PIK3C2G: variants seen among roughly 807,000 people sequenced by gnomAD.
PIK3C2G encodes the protein phosphatidylinositol-4-phosphate 3-kinase catalytic subunit type 2 gamma, also known as phosphatidylinositol 3-kinase C2 domain-containing subunit gamma.
PIK3C2G carries 168 observed loss-of-function variants against 181.1 expected under a neutral mutation model. The observed-to-expected ratio is 0.93, with a 90% CI of 0.82 to 1.05. The LOEUF is 1.05. PIK3C2G is among the 50% of genes least tolerant of loss of function. The pLI, the probability that PIK3C2G is intolerant of heterozygous loss-of-function variation, is 0.00. For synonymous variants in PIK3C2G, 573 were observed against 592.2 expected (o/e 0.97, Z 0.47); for missense variants, 1,869 against 1,732.8 (o/e 1.08, Z -1.40).
intron 24 of PIK3C2G, among the ~76,000 whole-genome samples, chr12:18,509,996 T>C (rs1942103234): frequency 6.6e-6 from 1 of 152,086 alleles, no homozygotes; most frequent in Non-Finnish European, 1.5e-5. Context: ...GGGGACATGG[T>C]CTCACTCTGT....
chr12:18,681,068 G>A, the PIK3C2G span, among the ~76,000 whole-genome samples: 1 of 151,916 alleles, frequency 6.6e-6, no homozygotes, highest in Admixed American at 6.6e-5. Flanking sequence ...TGTCTTTGTC[G>A]TGTTCCGTCA....
intron 30 of PIK3C2G, among the ~76,000 whole-genome samples, chr12:18,608,827 C>G: frequency 6.6e-6 from 1 of 151,962 alleles, no homozygotes; most frequent in East Asian, 1.9e-4. Context: ...GCATTTTGAT[C>G]AAAAAATAAT....
chr12:18,634,251 G>A (rs1367827709), intron 31 of PIK3C2G, among the ~76,000 whole-genome samples: 1 of 152,114 alleles, frequency 6.6e-6, no homozygotes, highest in Non-Finnish European at 1.5e-5. Context: ...AAACAATGAG[G>A]TCCAATAGTG....
chr12:18,448,115 A>C (rs1007584530), intron 18 of PIK3C2G, among the ~76,000 whole-genome samples: 5 of 152,192 alleles, frequency 3.3e-5, no homozygotes, highest in African/African-American at 1.2e-4. Context: ...GTATTAATTA[A>C]TAATAATTGT....
chr12:18,571,101 A>G (rs1945912985), intron 29 of PIK3C2G, among the ~76,000 whole-genome samples: 1 of 150,900 alleles, frequency 6.6e-6, no homozygotes, highest in South Asian at 2.1e-4. Context: ...GATATACAAT[A>G]CCATATTTTC....
chr12:18,720,947 T>C, the PIK3C2G span, among the ~76,000 whole-genome samples: 1 of 152,090 alleles, frequency 6.6e-6, no homozygotes, highest in African/African-American at 2.4e-5. Context: ...CAAAATGCTA[T>C]TACTATTTTG....
chr12:18,599,676 A>G (rs1396240261), intron 30 of PIK3C2G, among the ~76,000 whole-genome samples: 1 of 135,602 alleles, frequency 7.4e-6, no homozygotes, highest in East Asian at 2.1e-4. Flanking sequence ...ATAAATAAAT[A>G]TAAATAAAAA....
chr12:18,486,534 T>C (rs1940057147), intron 18 of PIK3C2G, among the ~76,000 whole-genome samples: 1 of 152,128 alleles, frequency 6.6e-6, no homozygotes, highest in African/African-American at 2.4e-5. Context: ...AATATATTAT[T>C]TCTTTAATTA....
chr12:18,489,751 T>C lies in PIK3C2G; in HGVS notation c.2685+1122T>C, dbSNP rs1304329480. ...AAAAGTTGATGGCAAGTTAAATAAA[T>C]TGATTTAAAATTTACAGAAGTTTGT... On this transcript the variant is annotated intron_variant, in intron 19 of 32. Coordinates refer to ENST00000538779, the MANE Select transcript of PIK3C2G (RefSeq NM_001288772.2). 3.3e-5 allele frequency among the ~76,000 whole-genome samples: 5 copies of C among 152,174 alleles called. 1 individual carries two copies. In the South Asian group the frequency reaches 6.2e-4, roughly 19 times the overall value.
At chr12:18,340,927 G>A (rs1028010318) in intron 9 of PIK3C2G, among the ~76,000 whole-genome samples, 2 of 152,154 alleles carry the variant, frequency 1.3e-5, no homozygotes, top group Admixed American at 1.3e-4. Context: ...AGGAAGGTTG[G>A]CCCTTGTCAC....
chr12:18,305,430 T>C (rs1356166294), intron 5 of PIK3C2G, among the ~76,000 whole-genome samples: 1 of 152,154 alleles, frequency 6.6e-6, no homozygotes, highest in Non-Finnish European at 1.5e-5. Flanking sequence ...CAAGAAGACA[T>C]GGCAAATTAC....
intron 24 of PIK3C2G, among the ~76,000 whole-genome samples, chr12:18,528,590 A>G (rs1234899787): frequency 6.6e-6 from 1 of 152,226 alleles, no homozygotes. Flanking sequence ...TTGCTCAAAT[A>G]AAATACTGGA....
At chr12:18,644,258 G>A (rs1420546462) in intron 32 of PIK3C2G, among the ~76,000 whole-genome samples, 1 of 152,072 alleles carries the variant, frequency 6.6e-6, no homozygotes, top group East Asian at 1.9e-4. Context: ...TGGGGCTGGG[G>A]GTGTGAGTGC....
At chr12:18,634,163 C>T (rs1215186404) in intron 31 of PIK3C2G, among the ~76,000 whole-genome samples, 1 of 152,146 alleles carries the variant, frequency 6.6e-6, no homozygotes, top group African/African-American at 2.4e-5. Context: ...GGGTGGGGAA[C>T]ATAGTAAGAC....
At chr12:18,695,803 G>T in the PIK3C2G span, among the ~76,000 whole-genome samples, 4 of 152,164 alleles carry the variant, frequency 2.6e-5, no homozygotes, top group Admixed American at 2.6e-4. Context: ...AATGATAGAG[G>T]TCACTTGATT....
In PIK3C2G at chr12:18,640,574, T is replaced by C. The variant is rs1186241024; in HGVS notation, c.4308+20T>C. 1 of 1,567,416 alleles carries C rather than the reference T, an allele frequency of 6.4e-7. No individual in the cohort carries two copies. The highest frequency in any genetic ancestry group is 1.9e-5 in the Admixed American group (1 of 52,380). On this transcript the variant is annotated intron_variant, in intron 32 of 32. Coordinates refer to ENST00000538779, the MANE Select transcript of PIK3C2G (RefSeq NM_001288772.2). Reference sequence around the variant, plus strand: ...GAAATTGTAAGTATAAGTCACCTTTTGTCCAGTCATTTTGTATTTTTCTTA... The same window carrying C: ...GAAATTGTAAGTATAAGTCACCTTTCGTCCAGTCATTTTGTATTTTTCTTA...
chr12:18,697,859 C>T, the PIK3C2G span, among the ~76,000 whole-genome samples: 1 of 148,570 alleles, frequency 6.7e-6, no homozygotes, highest in Non-Finnish European at 1.5e-5. Flanking sequence ...GAAGTTAAAC[C>T]TTTGCAGACA....
intron 20 of PIK3C2G, among the ~76,000 whole-genome samples, 184 bp from the exon 21 acceptor site, chr12:18,495,878 G>A (rs11834118): frequency 0.32 from 48,235 of 151,734 alleles, 8,782 homozygotes; most frequent in African/African-American, 0.5. Context: ...TCCAGTTGAT[G>A]GACTAAATTT....
the PIK3C2G span, among the ~76,000 whole-genome samples, chr12:18,657,041 G>A: frequency 0.012 from 1,885 of 152,112 alleles, 21 homozygotes; most frequent in Middle Eastern, 0.031. Flanking sequence ...AAGAATTGTG[G>A]TTGTTTTGAC....
Sources: gnomAD v4.1 joint callset for allele counts (sites outside exome capture counted in the v4.1 genomes callset) on GRCh38, gnomAD v4.1.1 for gene constraint, MANE v1.5 for transcripts, NCBI Gene and HGNC (gene_info 2026-07-23, HGNC 2026-07-21) for gene names.